PRKAG1: variants seen among roughly 807,000 people sequenced by gnomAD.
The protein encoded by PRKAG1 is 5'-AMP-activated protein kinase subunit gamma-1.
PRKAG1 carries 27 observed loss-of-function variants against 48.2 expected under a neutral mutation model. The observed-to-expected ratio is 0.56, with a 90% CI of 0.41 to 0.77. The LOEUF is 0.77. Ranked by LOEUF, PRKAG1 falls within the 30% of genes least tolerant of loss-of-function variation. The pLI is 0.00. For missense variants in PRKAG1, 287 were observed against 398.3 expected (o/e 0.72, Z 2.38); for synonymous variants, 130 against 147.7 (o/e 0.88, Z 0.87).
intron 8 of PRKAG1, 63 bp downstream of exon 8, chr12:49,004,444 C>A: frequency 1.3e-6 from 2 of 1,553,132 alleles, no homozygotes. Context: ...TCTCTCTTTT[C>A]AATCAATCAA....
chr12:49,017,644 ACATGT>A (rs1284774981), intron 1 of PRKAG1: 1 of 155,266 alleles, frequency 6.4e-6, no homozygotes, highest in African/African-American at 2.4e-5. Context: ...GTAGAATATG[ACATGT>A]CATTTTAAAT....
intron 2 of PRKAG1, among the ~76,000 whole-genome samples, chr12:49,008,765 G>A (rs924685615): frequency 1.3e-5 from 2 of 152,200 alleles, no homozygotes; most frequent in African/African-American, 4.8e-5. Context: ...TCCATTGCCT[G>A]CTAGCTGCTG....
At chr12:49,003,448 A>G in intron 10 of PRKAG1, 110 bp downstream of exon 10, 2 of 1,533,912 alleles carry the variant, frequency 1.3e-6, no homozygotes, top group Non-Finnish European at 1.8e-6. Context: ...AAAGCCTGGA[A>G]GCTTCTAAGA....
At chr12:49,016,448 T>G (rs1023057886) in intron 1 of PRKAG1, among the ~76,000 whole-genome samples, 3 of 152,232 alleles carry the variant, frequency 2.0e-5, no homozygotes, top group Non-Finnish European at 4.4e-5. Context: ...CATTTGTCCC[T>G]CCAATCCTAT....
intron 1 of PRKAG1, 65 bp downstream of exon 1, chr12:49,018,667 T>A: frequency 6.2e-7 from 1 of 1,608,462 alleles, no homozygotes; most frequent in South Asian, 1.1e-5. Context: ...CCTCCCGGTC[T>A]CCTAAGGGTT....
rs1189429738 is a variant in PRKAG1 at position 49,004,814 on chromosome 12, TG to T, written c.410+149del. On this transcript the variant is annotated intron_variant, in intron 7 of 11. Transcript: ENST00000548065. ...GTGAGAATGAGAGAGAGAGAGAGAC[TG>T]TGTGTGTGTGTGTGTGTGTGTGTGT... 1,946 of 83,164 alleles carry T rather than the reference TG, an allele frequency of 0.023. 35 individuals carry two copies. In the African/African-American group the frequency reaches 0.31, roughly 13 times the overall value. The allele number at this position is 83,164 out of a possible 1,614,324, so 5.2% of individuals were successfully genotyped here. A position where few individuals can be genotyped will look rare whatever the true frequency, so the allele number is the denominator to read the frequency against.
At chr12:49,011,633 C>A (rs1157675155) in intron 2 of PRKAG1, among the ~76,000 whole-genome samples, 1 of 151,774 alleles carries the variant, frequency 6.6e-6, no homozygotes, top group East Asian at 1.9e-4. Flanking sequence ...CTCACTGCAA[C>A]AAAATCTGCC....
chr12:49,010,931 C>A (rs1941734897), intron 2 of PRKAG1, among the ~76,000 whole-genome samples: 1 of 151,952 alleles, frequency 6.6e-6, no homozygotes, highest in South Asian at 2.1e-4. Flanking sequence ...GCAACCTCCT[C>A]CTCCTGAGTT....
At position 49,003,544 on chromosome 12, in the gene PRKAG1, C is replaced by T; in HGVS notation, c.741+14G>A. 6.2e-7 allele frequency: 1 copy of T among 1,610,024 alleles called. No individual in the cohort carries two copies. The highest frequency in any genetic ancestry group is 8.5e-7 in the Non-Finnish European group (1 of 1,177,164). On this transcript the variant is annotated intron_variant, in intron 10 of 11. Coordinates refer to ENST00000548065, the MANE Select transcript of PRKAG1 (RefSeq NM_002733.5). ...ACCACTTCCCTACCTCCCAGACCCT[C>T]CACAATCACTCACGATAACATCAAA...
Position 49,002,967 on chromosome 12 carries a change from T to G in PRKAG1, c.928A>C (p.Lys310Gln). Residue 310 changes from lysine (K) to glutamine (Q), a missense_variant, in exon 12 of 12, where the codon AAG becomes CAG. Physicochemically the swap from Lys to Gln is moderately conservative, Grantham distance 53. This residue lies in a region of PRKAG1 where 224 missense variants were observed against 344.3 expected (regional missense o/e 0.65). Coordinates refer to ENST00000548065, the MANE Select transcript of PRKAG1 (RefSeq NM_002733.5). ...LVVVDENDVV[K>Q]GIVSLSDILQ... ...ATGTCAGACAGTGATACAATTCCCT[T>G]GACCACATCATTTTCATCCACCACT... The G allele has an allele frequency of 6.2e-7, 1 of 1,614,214 alleles. No homozygotes were observed. Among genetic ancestry groups the G allele is most frequent in the South Asian group, 1.1e-5 (1 of 91,086 alleles).
intron 2 of PRKAG1, among the ~76,000 whole-genome samples, chr12:49,008,219 T>C (rs185385975): frequency 7.2e-5 from 11 of 152,320 alleles, no homozygotes; most frequent in South Asian, 4.1e-4. Context: ...TAGTAAACTC[T>C]GATTTTTTTT....
chr12:49,017,112 T>A, intron 1 of PRKAG1: 1 of 455,762 alleles, frequency 2.2e-6, no homozygotes, highest in African/African-American at 2.0e-5. Context: ...ACAGCATTTA[T>A]TATAGTCTAC....
intron 1 of PRKAG1, 108 bp downstream of exon 1, chr12:49,018,623 GT>G: frequency 6.3e-7 from 1 of 1,583,140 alleles, no homozygotes; most frequent in Non-Finnish European, 8.6e-7. Flanking sequence ...GCTGCTTTTT[GT>G]TTGCTAGACA....
chr12:49,005,139 G>C lies in PRKAG1; in HGVS notation c.336C>G (p.His112Gln). Residue 112 changes from histidine (H) to glutamine (Q), a missense_variant, in exon 6 of 12, where the codon CAC (histidine) becomes CAG (glutamine). Physicochemically the swap from His to Gln is conservative, Grantham distance 24 (BLOSUM62 0). Coordinates refer to ENST00000548065, the MANE Select transcript of PRKAG1 (RefSeq NM_002733.5). This position sits in a 1 kb window ranked among gnomAD's most constrained non-coding sequence, Gnocchi z 4.1. The stretch of plus-strand genomic sequence containing the variant: ...ACATACCTCTCCAAGTTTCTATCTT[G>C]TGTTCTTCTAGCTCATAGATCTGTA... Reference protein sequence around the residue: ...ALVQIYELEEHKIETWREVYL... With the variant: ...ALVQIYELEEQKIETWREVYL... 3 of 1,614,034 alleles carry C rather than the reference G, an allele frequency of 1.9e-6. No homozygotes were observed. The highest frequency in any genetic ancestry group is 1.7e-6 in the Non-Finnish European group (2 of 1,179,984).
intron 2 of PRKAG1, chr12:49,012,781 A>C: frequency 4.6e-6 from 2 of 436,448 alleles, no homozygotes; most frequent in Non-Finnish European, 8.4e-6. Flanking sequence ...AGGACTTCTA[A>C]AACATGGTAG....
At chr12:49,012,977 G>T in intron 2 of PRKAG1, 85 bp downstream of exon 2, 1 of 1,362,932 alleles carries the variant, frequency 7.3e-7, no homozygotes, top group Non-Finnish European at 1.0e-6. Context: ...TTTTTCCAGG[G>T]GAGAGATTCA....
rs1941367876 is a variant in PRKAG1 at position 49,003,270 on chromosome 12, G to A, written c.762C>T (p.Thr254=). The change falls in exon 11 of 12, where the codon ACC becomes ACT. Residue 254 remains threonine, a synonymous_variant. Transcript: ENST00000548065. ...TCACAGATACATCTAGGTTGTTGTA[G>A]GTCTTTTCTGCTGCCAGATTCTGGG... ...FDVINLAAEK[T]YNNLDVSVTK... is the part of the protein sequence containing the mutation. 1.2e-6 allele frequency: 2 copies of A among 1,614,142 alleles called. No individual in the cohort carries two copies. The highest frequency in any genetic ancestry group is 1.7e-6 in the Non-Finnish European group (2 of 1,180,016).
rs1258443547 is a variant in PRKAG1 at position 49,005,497 on chromosome 12, G to A, written c.215C>T (p.Ala72Val). 1 of 1,614,024 alleles carries A rather than the reference G, an allele frequency of 6.2e-7. No individual in the cohort carries two copies. The highest frequency in any genetic ancestry group is 8.5e-7 in the Non-Finnish European group (1 of 1,180,052). Residue 72 changes from alanine to valine, a missense_variant, in exon 4 of 12, where the codon GCC becomes GTC. Coordinates refer to ENST00000548065, the MANE Select transcript of PRKAG1 (RefSeq NM_002733.5). This position sits in a 1 kb window ranked among gnomAD's most constrained non-coding sequence, Gnocchi z 4.1. The part of the protein sequence containing the change: ...FALVTNGVRA[A>V]PLWDSKKQSF... Reference sequence around the variant, plus strand: ...TTGCTTCTTACTATCCCATAAAGGGGCAGCTCGTACACCGTTAGTCACCAA... The same window carrying A: ...TTGCTTCTTACTATCCCATAAAGGGACAGCTCGTACACCGTTAGTCACCAA...
At chr12:49,016,238 C>T (rs1039254015) in intron 1 of PRKAG1, among the ~76,000 whole-genome samples, 1 of 152,178 alleles carries the variant, frequency 6.6e-6, no homozygotes, top group Non-Finnish European at 1.5e-5. Flanking sequence ...TGCTCCTGGC[C>T]TCCTTTCTAC....
Sources: gnomAD v4.1 joint callset for allele counts (sites outside exome capture counted in the v4.1 genomes callset) on GRCh38, gnomAD v4.1.1 for gene constraint, gnomAD v4.1.1 regional missense constraint, Gnocchi (gnomAD v3.1) non-coding constraint, MANE v1.5 for transcripts, NCBI Gene and HGNC (gene_info 2026-07-23, HGNC 2026-07-21) for gene names.